PSAP: variants seen among roughly 807,000 people sequenced by gnomAD.
PSAP encodes prosaposin.
A neutral mutation model predicts 66.0 loss-of-function variants in PSAP; 25 were observed. That is an observed-to-expected ratio of 0.38 (90% confidence interval 0.28 to 0.53). The LOEUF is 0.53. Among genes scored for constraint, PSAP ranks in the 20% least tolerant of loss-of-function variants. The pLI is 0.83. For synonymous variants in PSAP, 273 were observed against 258.9 expected (o/e 1.05, Z -0.52); for missense variants, 649 against 668.8 (o/e 0.97, Z 0.33).
At chr10:71,825,915 G>C in intron 6 of PSAP, 22 bp from the exon 7 acceptor site, 1 of 1,605,856 alleles carries the variant, frequency 6.2e-7, no homozygotes, top group Non-Finnish European at 8.5e-7. Flanking sequence ...GAAACAGATT[G>C]CTAAACAAAT....
chr10:71,834,877 C>G (rs906414430), intron 1 of PSAP, among the ~76,000 whole-genome samples: 1 of 152,112 alleles, frequency 6.6e-6, no homozygotes, highest in Non-Finnish European at 1.5e-5. Flanking sequence ...CTAACAAATT[C>G]AAATACAGGG....
intron 7 of PSAP, among the ~76,000 whole-genome samples, chr10:71,822,464 G>A (rs1842322774): frequency 1.3e-5 from 2 of 152,154 alleles, no homozygotes; most frequent in South Asian, 2.1e-4. Flanking sequence ...TCAGCGGCAG[G>A]ACCATTTAAA....
chr10:71,838,877 G>C (rs1438339566), intron 1 of PSAP, among the ~76,000 whole-genome samples: 2 of 152,154 alleles, frequency 1.3e-5, no homozygotes, highest in Admixed American at 1.3e-4. Context: ...TCCTTTCAGT[G>C]GTGGGCTGAA....
At chr10:71,828,781 C>A in intron 5 of PSAP, 96 bp downstream of exon 5, 1 of 1,371,312 alleles carries the variant, frequency 7.3e-7, no homozygotes, top group East Asian at 2.4e-5. Context: ...GGGATAAGCC[C>A]CAGTTTAAGA....
intron 1 of PSAP, among the ~76,000 whole-genome samples, chr10:71,845,226 A>G (rs1842800266): frequency 1.3e-5 from 2 of 152,230 alleles, no homozygotes; most frequent in Non-Finnish European, 2.9e-5. Flanking sequence ...CAAAATGTTT[A>G]AAATATCCAA....
At chr10:71,847,220 C>T (rs1394493618) in intron 1 of PSAP, among the ~76,000 whole-genome samples, 2 of 152,036 alleles carry the variant, frequency 1.3e-5, no homozygotes, top group Admixed American at 1.3e-4. Context: ...TTTGGGAGGC[C>T]GAGGCAGGCG....
At position 71,819,459 on chromosome 10, in the gene PSAP, G is replaced by T; in HGVS notation, c.1350+6C>A. The stretch of plus-strand genomic sequence containing the variant: ...CTGGCCTACCGCAGCCCAGCCCGGG[G>T]CGTACCTGCTTCTGGTAAGGGTCTG... On this transcript the variant is annotated splice_donor_region_variant and intron_variant, in intron 11 of 13. Transcript: ENST00000394936. 1 of 1,614,016 alleles carries T rather than the reference G, an allele frequency of 6.2e-7. No individual in the cohort carries two copies. Among genetic ancestry groups the T allele is most frequent in the Non-Finnish European group, 8.5e-7 (1 of 1,180,034 alleles).
rs1221149461 is a variant in PSAP at position 71,820,310 on chromosome 10, T to C, written c.935A>G (p.Asp312Gly). The C allele has an allele frequency of 1.2e-6, 2 of 1,614,014 alleles. No homozygotes were observed. Among genetic ancestry groups the C allele is most frequent in the African/African-American group, 2.7e-5 (2 of 75,004 alleles). The part of the protein sequence containing the change: ...IKKHEVPAKS[D>G]VYCEVCEFLV... ...GAATTCACACACCTCACAGTAAACA[T>C]CAGACTTTGCTGGGACCTCGTGCTT... The change falls in exon 9 of 14, where the codon GAT becomes GGT. Residue 312 changes from aspartate (D) to glycine (G), a missense_variant. Physicochemically the swap from Asp to Gly is moderately conservative, Grantham distance 94. Transcript: ENST00000394936.
chr10:71,834,265 A>C (rs957027509), intron 2 of PSAP, 107 bp downstream of exon 2: 14 of 1,570,528 alleles, frequency 8.9e-6, no homozygotes, highest in Middle Eastern at 4.4e-4. Context: ...GAAGTAAACA[A>C]AACAAGGCAA....
At chr10:71,829,756 T>C (rs982406446) in intron 4 of PSAP, among the ~76,000 whole-genome samples, 2 of 152,124 alleles carry the variant, frequency 1.3e-5, no homozygotes, top group African/African-American at 2.4e-5. Context: ...CCCAGCACTT[T>C]GTGAGGCCGA....
At chr10:71,831,541 A>G (rs941451974) in intron 3 of PSAP, among the ~76,000 whole-genome samples, 3 of 152,212 alleles carry the variant, frequency 2.0e-5, no homozygotes, top group African/African-American at 7.2e-5. Context: ...GCAATACAAC[A>G]TCTCAATTAA....
rs1842190000 is a variant in PSAP at position 71,817,400 on chromosome 10, A to C, written c.*41T>G. On this transcript the variant is annotated 3_prime_UTR_variant, in exon 14 of 14. Transcript: ENST00000394936. ...CCCCCAGACACACAAGTAGAAAAAA[A>C]CCAATGCTGTGGTTTCTGCCAAGAT... is the stretch of plus-strand genomic sequence containing the variant. 1.9e-6 allele frequency: 3 copies of C among 1,609,802 alleles called. No individual in the cohort carries two copies. The highest frequency in any genetic ancestry group is 2.6e-6 in the Non-Finnish European group (3 of 1,176,112).
intron 8 of PSAP, among the ~76,000 whole-genome samples, chr10:71,820,762 C>CAG (rs1242523889): frequency 6.6e-6 from 1 of 152,222 alleles, no homozygotes; most frequent in African/African-American, 2.4e-5. Flanking sequence ...GAACACACTT[C>CAG]AGGTCTGCTC....
rs763947776 is a variant in PSAP at position 71,819,824 on chromosome 10, A to G, written c.1082T>C (p.Val361Ala). 3 of 1,613,902 alleles carry G rather than the reference A, an allele frequency of 1.9e-6. No homozygotes were observed. Among genetic ancestry groups the G allele is most frequent in the Admixed American group, 1.7e-5 (1 of 59,996 alleles). The change falls in exon 10 of 14, where the codon GTG (valine) becomes GCG (alanine). Residue 361 changes from valine (V) to alanine (A), a missense_variant. Val to Ala is a moderately conservative substitution (Grantham distance 64). Coordinates refer to ENST00000394936, the MANE Select transcript of PSAP (RefSeq NM_002778.4). ...CAGGATGGAGCTGCCGTACGTGTCC[A>G]CCACCTCCTGGCACTCTTCCGACAG... ...KSLSEECQEVVDTYGSSILSI... is the reference protein window; with the variant it reads ...KSLSEECQEVADTYGSSILSI...
At chr10:71,827,912 TG>T in intron 6 of PSAP, 101 bp downstream of exon 6, 1 of 1,512,622 alleles carries the variant, frequency 6.6e-7, no homozygotes, top group East Asian at 2.4e-5. Context: ...AGCTGCTTTC[TG>T]GGAAAAAAGA....
intron 1 of PSAP, among the ~76,000 whole-genome samples, chr10:71,837,415 T>C (rs1454044817): frequency 6.6e-6 from 1 of 152,228 alleles, no homozygotes; most frequent in African/African-American, 2.4e-5. Flanking sequence ...TCAGAACCTT[T>C]TGGGGACATG....
intron 7 of PSAP, among the ~76,000 whole-genome samples, chr10:71,823,680 G>A (rs557152322): frequency 2.6e-5 from 4 of 152,126 alleles, no homozygotes; most frequent in African/African-American, 9.7e-5. Flanking sequence ...ACCCCGAAGG[G>A]GAGATGAGAC....
At chr10:71,834,535 C>A (rs756485367) in intron 1 of PSAP, 30 bp from the exon 2 acceptor site, 22 of 1,611,308 alleles carry the variant, frequency 1.4e-5, no homozygotes, top group Non-Finnish European at 1.9e-5. Flanking sequence ...GAGGAGGTGG[C>A]CCATTTTGTA....
intron 5 of PSAP, among the ~76,000 whole-genome samples, 153 bp downstream of exon 5, chr10:71,828,724 G>A (rs1589451261): frequency 6.6e-6 from 1 of 152,236 alleles, no homozygotes; most frequent in East Asian, 1.9e-4. Flanking sequence ...AAACTTCATG[G>A]TACAACCATT....
Sources: gnomAD v4.1 joint callset for allele counts (sites outside exome capture counted in the v4.1 genomes callset) on GRCh38, gnomAD v4.1.1 for gene constraint, MANE v1.5 for transcripts, NCBI Gene and HGNC (gene_info 2026-07-23, HGNC 2026-07-21) for gene names.